Variants in NES observed in about 807,000 individuals in gnomAD.
The protein encoded by NES is nestin.
In NES, 27 loss-of-function variants were observed where a neutral mutation model predicts 35.6. That is an observed-to-expected ratio of 0.76 (90% confidence interval 0.56 to 1.04). NES has a LOEUF of 1.04. NES is among the 50% of genes least tolerant of loss of function. The pLI, the probability that NES is intolerant of heterozygous loss-of-function variation, is 0.00. For synonymous variants in NES, 822 were observed against 824.2 expected, an observed-to-expected ratio of 1.00 and a Z score of 0.04; for missense variants, 1,867 against 1,983.6, an observed-to-expected ratio of 0.94 and a Z score of 1.12.
At position 156,672,415 on chromosome 1, in the gene NES, C is replaced by A. The variant is rs750911767; in HGVS notation, c.1773G>T (p.Lys591Asn). ...CATCCTTTAATAGCTCTTTATTTTC[C>A]TTTTCTAGACTTTTTAGTGTTTCTA... ...EDLETLKSLEKENKELLKDVE... is the reference protein window; with the variant it reads ...EDLETLKSLENENKELLKDVE... Residue 591 changes from lysine (K) to asparagine (N), a missense_variant, in exon 4 of 4, where the codon AAG (lysine) becomes AAT (asparagine). Physicochemically the swap from Lys to Asn is moderately conservative, Grantham distance 94. Coordinates refer to ENST00000368223, the MANE Select transcript of NES (RefSeq NM_006617.2). 4 of 1,611,458 alleles carry A rather than the reference C, an allele frequency of 2.5e-6. No individual in the cohort carries two copies. Among genetic ancestry groups the A allele is most frequent in the South Asian group, 1.1e-5 (1 of 90,674 alleles).
chr1:156,675,322 C>A lies in NES; in HGVS notation c.802G>T (p.Glu268Ter). The change falls in exon 2 of 4, where the codon GAG becomes TAG. Residue 268 changes from glutamate to a stop codon, truncating the protein, a stop_gained. Coordinates refer to ENST00000368223, the MANE Select transcript of NES (RefSeq NM_006617.2). LOFTEE classifies it high-confidence loss of function. ...EKFQLAVEAL[E>*]QEKQGLQSQI... The stretch of plus-strand genomic sequence containing the variant: ...CTCTGTAGGCCCTGTTTCTCCTGCT[C>A]CAGGGCCTCCACAGCCAGCTGCAGG... 6.2e-7 allele frequency: 1 copy of A among 1,610,208 alleles called. No individual in the cohort carries two copies. The highest frequency in any genetic ancestry group is 1.1e-5 in the South Asian group (1 of 90,792).
rs1177121392 is a variant in NES at position 156,669,994 on chromosome 1, C to G, written c.4194G>C (p.Leu1398=). 6.2e-7 allele frequency: 1 copy of G among 1,613,922 alleles called. No homozygotes were observed. The highest frequency in any genetic ancestry group is 2.2e-5 in the East Asian group (1 of 44,868). Residue 1398 remains leucine (L), a synonymous_variant, in exon 4 of 4, where the codon CTG becomes CTC. Transcript: ENST00000368223. ...CATCTCGATCCCAGGCTGCAGGATC[C>G]AGTAGCAGCTGGGGCACCTGGCCCA... ...EPLGQVPQLL[L]DPAAWDRDGE...
In NES at chr1:156,671,679, G is replaced by A; in HGVS notation, c.2509C>T (p.Leu837=). 1 of 1,613,678 alleles carries A rather than the reference G, an allele frequency of 6.2e-7. No homozygotes were observed. Among genetic ancestry groups the A allele is most frequent in the Non-Finnish European group, 8.5e-7 (1 of 1,179,920 alleles). The change falls in exon 4 of 4, where the codon CTG becomes TTG. Residue 837 remains leucine, a synonymous_variant. Coordinates refer to ENST00000368223, the MANE Select transcript of NES (RefSeq NM_006617.2). ...GTTTCTGGAGATTTCAGTGTTTCCAGGTTCTCTTGTCCCGCAGACTTCAGT... is the reference window on the plus strand; with the variant it reads ...GTTTCTGGAGATTTCAGTGTTTCCAAGTTCTCTTGTCCCGCAGACTTCAGT... The part of the protein sequence containing the change: ...ESLKSAGQEN[L]ETLKSPETQA...
At position 156,669,902 on chromosome 1, in the gene NES, CCCT is replaced by C; in HGVS notation, c.4283_4285del (p.Glu1428del). Reference sequence around the variant, plus strand: ...CCACCGCCCAGCCCCTGGCTCCCTCCCCTCCTCCTGATCCTCCTCTCCCTCCTC... The same window carrying C: ...CCACCGCCCAGCCCCTGGCTCCCTCCCCTCCTGATCCTCCTCTCCCTCCTC... On this transcript the variant is annotated inframe_deletion, in exon 4 of 4. Coordinates refer to ENST00000368223, the MANE Select transcript of NES (RefSeq NM_006617.2). The C allele has an allele frequency of 6.2e-7, 1 of 1,613,676 alleles. No homozygotes were observed. The highest frequency in any genetic ancestry group is 8.5e-7 in the Non-Finnish European group (1 of 1,179,814).
In NES at chr1:156,672,869, A is replaced by G. The variant is rs1679764436; in HGVS notation, c.1319T>C (p.Val440Ala). The stretch of plus-strand genomic sequence containing the variant: ...CCCAGGCTCCTCTGGTCCAGGCAGG[A>G]CGCTGGCAGGAATGGCCACCCTGGC... ...AEARVAIPAS[V>A]LPGPEEPGGQ... is the part of the protein sequence containing the mutation. Residue 440 changes from valine to alanine, a missense_variant, in exon 4 of 4, where the codon GTC becomes GCC. By Grantham distance (64) the Val-to-Ala change is moderately conservative. Transcript: ENST00000368223. The G allele has an allele frequency of 8.1e-6, 13 of 1,613,792 alleles. No individual in the cohort carries two copies. Among genetic ancestry groups the G allele is most frequent in the Non-Finnish European group, 1.1e-5 (13 of 1,180,026 alleles).
At chr1:156,673,272 G>C (rs1679774854) in intron 3 of NES, 67 bp from the exon 4 acceptor site, 1 of 1,356,196 alleles carries the variant, frequency 7.4e-7, no homozygotes, top group East Asian at 2.5e-5. Flanking sequence ...CCACAGAGCA[G>C]CCACCGCTGG....
Position 156,675,277 on chromosome 1 carries a change from CCAGGACCTGAGCGATCTGGCT to C in NES, c.826_846del (p.Ser276_Leu282del). Reference sequence around the variant, plus strand: ...AGGTGCGCCAGCTGCTGCCGACCTTCCAGGACCTGAGCGATCTGGCTCTGTAGGCCCTGTTTCTCCTGCTCC... The same window carrying C: ...AGGTGCGCCAGCTGCTGCCGACCTTCCTGTAGGCCCTGTTTCTCCTGCTCC... On this transcript the variant is annotated inframe_deletion, in exon 2 of 4. Coordinates refer to ENST00000368223, the MANE Select transcript of NES (RefSeq NM_006617.2). 6.2e-7 allele frequency: 1 copy of C among 1,613,670 alleles called. No homozygotes were observed. The highest frequency in any genetic ancestry group is 8.5e-7 in the Non-Finnish European group (1 of 1,179,878).
chr1:156,674,874 C>G (rs2075529), intron 2 of NES, among the ~76,000 whole-genome samples: 34,272 of 152,146 alleles, frequency 0.23, 4,774 homozygotes, highest in Middle Eastern at 0.35. Flanking sequence ...CCCCTGGGTG[C>G]GGGCACACAT....
chr1:156,674,190 C>T (rs750643166), intron 2 of NES, among the ~76,000 whole-genome samples: 9 of 152,188 alleles, frequency 5.9e-5, no homozygotes, highest in Non-Finnish European at 8.8e-5. Flanking sequence ...ATCCCAAGCT[C>T]TTCGGGGCAC....
Position 156,676,542 on chromosome 1 carries a change from C to T in NES, c.723G>A (p.Ala241=), listed in dbSNP as rs770861921. ...AGCGGCCCTCCAACCTCTGTTCCAA[C>T]GCTGCCCTGCGCTCCAGGAGGCCTC... ...ERGGLLERRA[A]LEQRLEGRWQ... The change falls in exon 1 of 4, where the codon GCG becomes GCA. Residue 241 remains alanine (A), a synonymous_variant. Transcript: ENST00000368223. This position sits in a 1 kb window ranked among gnomAD's most constrained non-coding sequence, Gnocchi z 5.3. 2.6e-5 allele frequency: 42 copies of T among 1,595,228 alleles called. 2 individuals are homozygous for T. The South Asian group carries it at 4.3e-4, about 16-fold the overall frequency.
At position 156,671,606 on chromosome 1, in the gene NES, T is replaced by G. The variant is rs772154038; in HGVS notation, c.2582A>C (p.Asn861Thr). The G allele has an allele frequency of 1.9e-6, 3 of 1,613,898 alleles. No homozygotes were observed. The highest frequency in any genetic ancestry group is 8.5e-7 in the Non-Finnish European group (1 of 1,180,054). Residue 861 changes from asparagine to threonine, a missense_variant, in exon 4 of 4, where the codon AAT becomes ACT. By Grantham distance (65) the Asn-to-Thr change is moderately conservative (BLOSUM62 0). Coordinates refer to ENST00000368223, the MANE Select transcript of NES (RefSeq NM_006617.2). The stretch of plus-strand genomic sequence containing the variant: ...TTCTTGAATTTCCTTTTCTAGAGGA[T>G]TCATTGCCCCCTGATTTATTTCTTC... ...TPEEINQGAMNPLEKEIQEPL... is the reference protein window; with the variant it reads ...TPEEINQGAMTPLEKEIQEPL...
Position 156,669,761 on chromosome 1 carries a change from G to A in NES, c.4427C>T (p.Ala1476Val). 6.2e-7 allele frequency: 1 copy of A among 1,613,964 alleles called. No homozygotes were observed. Among genetic ancestry groups the A allele is most frequent in the Non-Finnish European group, 8.5e-7 (1 of 1,179,986 alleles). The change falls in exon 4 of 4, where the codon GCA becomes GTA. Residue 1476 changes from alanine (A) to valine (V), a missense_variant. By Grantham distance (64) the Ala-to-Val change is moderately conservative (BLOSUM62 0). Transcript: ENST00000368223. ...GGCAGTCTTGGGGGCACCAGCCACT[G>A]CACCCCTCAAGCTGTCATCCCAGGG... The part of the protein sequence containing the change: ...SVPWDDSLRG[A>V]VAGAPKTALE...
chr1:156,670,485 G>A lies in NES; in HGVS notation c.3703C>T (p.Pro1235Ser), dbSNP rs570140770. The A allele has an allele frequency of 3.8e-6, 6 of 1,582,124 alleles. No individual in the cohort carries two copies. In the South Asian group the frequency reaches 5.8e-5, roughly 15 times the overall value. The change falls in exon 4 of 4, where the codon CCT becomes TCT. Residue 1235 changes from proline (P) to serine (S), a missense_variant. Transcript: ENST00000368223. ...TGACTCCCTTCAGCCTGAGGCTGAG[G>A]CCCAGGGGCATCTTCCAGGATCGGG... ...YTPILEDAPG[P>S]QPQAEGSQEA...
chr1:156,671,865 T>C lies in NES; in HGVS notation c.2323A>G (p.Met775Val), dbSNP rs1679741236. The C allele has an allele frequency of 1.2e-6, 2 of 1,614,004 alleles. No individual in the cohort carries two copies. The highest frequency in any genetic ancestry group is 1.7e-6 in the Non-Finnish European group (2 of 1,179,976). ...RRRSLGEQDQMTLRPPEKVDL... is the reference protein window; with the variant it reads ...RRRSLGEQDQVTLRPPEKVDL... The stretch of plus-strand genomic sequence containing the variant: ...ACTTTTTCTGGGGGTCTTAATGTCA[T>C]CTGATCCTGTTCCCCTAGAGACCTC... The change falls in exon 4 of 4, where the codon ATG becomes GTG. Residue 775 changes from methionine to valine, a missense_variant. Coordinates refer to ENST00000368223, the MANE Select transcript of NES (RefSeq NM_006617.2).
Position 156,669,457 on chromosome 1 carries a change from G to GCTCCCTCGGT in NES, c.4721_4730dup (p.Ser1577ArgfsTer40). ...CACTCCCCTCCTCCTCCTGAAAGGG[G>GCTCCCTCGGT]CTCCCTCGGTCTCCCTCAGAGACTA... is the stretch of plus-strand genomic sequence containing the variant. On this transcript the variant is annotated frameshift_variant, in exon 4 of 4. Coordinates refer to ENST00000368223, the MANE Select transcript of NES (RefSeq NM_006617.2). LOFTEE classifies it low-confidence loss of function (END_TRUNC). 1 of 1,612,928 alleles carries GCTCCCTCGGT rather than the reference G, an allele frequency of 6.2e-7. No homozygotes were observed. Among genetic ancestry groups the GCTCCCTCGGT allele is most frequent in the Non-Finnish European group, 8.5e-7 (1 of 1,179,474 alleles).
Position 156,677,339 on chromosome 1 carries a change from G to A in NES, c.-75C>T, listed in dbSNP as rs1647338121. On this transcript the variant is annotated 5_prime_UTR_variant, in exon 1 of 4. Transcript: ENST00000368223. The surrounding 1 kb of genome is among the most constrained non-coding windows in gnomAD (Gnocchi z 4.5). Reference sequence around the variant, plus strand: ...AGGGAGCGGCTCGCAGAGCTTTTAGGACGGAAGAGAAAAGAGACCGACGGG... The same window carrying A: ...AGGGAGCGGCTCGCAGAGCTTTTAGAACGGAAGAGAAAAGAGACCGACGGG... 3 of 847,992 alleles carry A rather than the reference G, an allele frequency of 3.5e-6. No homozygotes were observed. The highest frequency in any genetic ancestry group is 5.0e-6 in the Non-Finnish European group (3 of 603,060). 52.5% of individuals were successfully genotyped at this position (847,992 alleles called of 1,614,324 possible).
intron 2 of NES, 133 bp downstream of exon 2, chr1:156,675,083 C>T (rs1015944770): frequency 2.6e-6 from 3 of 1,171,476 alleles, no homozygotes; most frequent in Admixed American, 2.2e-5. Flanking sequence ...TGGAAGTGAC[C>T]AGCCTAGAGT....
rs956479290 is a variant in NES, at chr1:156,672,089, A to C, written c.2099T>G (p.Leu700Arg). The change falls in exon 4 of 4, where the codon CTG (leucine) becomes CGG (arginine). Residue 700 changes from leucine (L) to arginine (R), a missense_variant. By Grantham distance (102) the Leu-to-Arg change is moderately radical. Transcript: ENST00000368223. ...RPLTKENQEP[L>R]RSLEDENKEA... ...TTTGTTCTCATCTTCAAGAGACCTC[A>C]GGGGTTCCTGATTCTCCTTTGTCAG... is the stretch of plus-strand genomic sequence containing the variant. The C allele has an allele frequency of 1.2e-6, 2 of 1,611,304 alleles. No homozygotes were observed. The highest frequency in any genetic ancestry group is 2.7e-5 in the African/African-American group (2 of 74,500).
Position 156,669,699 on chromosome 1 carries a change from C to T in NES, c.4489G>A (p.Gly1497Ser), listed in dbSNP as rs1457643483. 2 of 1,614,000 alleles carry T rather than the reference C, an allele frequency of 1.2e-6. No homozygotes were observed. The highest frequency in any genetic ancestry group is 2.2e-5 in the South Asian group (2 of 91,078). The change falls in exon 4 of 4, where the codon GGC becomes AGC. Residue 1497 changes from glycine (G) to serine (S), a missense_variant. Physicochemically the swap from Gly to Ser is moderately conservative, Grantham distance 56. Coordinates refer to ENST00000368223, the MANE Select transcript of NES (RefSeq NM_006617.2). Reference sequence around the variant, plus strand: ...ACAGGGTCAGACTCTTCCTCTGAGCCAGAAGGCTCAGCACTGTCCTGGGAC... The same window carrying T: ...ACAGGGTCAGACTCTTCCTCTGAGCTAGAAGGCTCAGCACTGTCCTGGGAC... ...TESQDSAEPS[G>S]SEEESDPVSL...
Sources: allele counts gnomAD v4.1 joint callset (sites outside exome capture counted in the v4.1 genomes callset), GRCh38; gene constraint gnomAD v4.1.1; non-coding constraint Gnocchi (gnomAD v3.1); transcripts MANE v1.5; gene names NCBI Gene and HGNC (gene_info 2026-07-23, HGNC 2026-07-21).